Variants in HMCES observed in about 807,000 individuals in gnomAD.
HMCES encodes abasic site processing protein HMCES.
Under a neutral mutation model 35.1 loss-of-function variants are expected in HMCES, and 27 were observed. The observed-to-expected ratio is 0.77, with a 90% CI of 0.57 to 1.06. The LOEUF (loss-of-function observed/expected upper bound fraction) is 1.06, where lower values mean the gene tolerates loss of function less well. Ranked by LOEUF, HMCES falls within the 50% of genes least tolerant of loss-of-function variation. The pLI, the probability that HMCES is intolerant of heterozygous loss-of-function variation, is 0.00. For synonymous variants in HMCES, 130 were observed against 154.7 expected, an observed-to-expected ratio of 0.84 and a Z score of 1.18; for missense variants, 391 against 430.4, an observed-to-expected ratio of 0.91 and a Z score of 0.81.
At position 129,305,261 on chromosome 3, in the gene HMCES, T is replaced by A. The variant is rs1006937596; in HGVS notation, c.*436T>A. 1 of 155,294 alleles carries A rather than the reference T, an allele frequency of 6.4e-6. No individual in the cohort carries two copies. The highest frequency in any genetic ancestry group is 2.4e-5 in the African/African-American group (1 of 41,536). 9.6% of individuals were successfully genotyped at this position (155,294 alleles called of 1,614,324 possible). A position where few individuals can be genotyped will look rare whatever the true frequency, so the allele number is the denominator to read the frequency against. ...AAAATAAAAATAAGTTCTTAAAATT[T>A]ATTTTTTTCCTGAATAAATTGTATT... is the stretch of plus-strand genomic sequence containing the variant. On this transcript the variant is annotated 3_prime_UTR_variant, in exon 7 of 7. Transcript: ENST00000383463.
chr3:129,295,113 G>T (rs1047835801), intron 4 of HMCES, among the ~76,000 whole-genome samples: 8 of 149,212 alleles, frequency 5.4e-5, no homozygotes, highest in Non-Finnish European at 8.9e-5. Flanking sequence ...GAACCGAGAT[G>T]GCGCCACTGC....
At chr3:129,281,958 GT>G (rs1940505243) in intron 2 of HMCES, among the ~76,000 whole-genome samples, 1 of 148,286 alleles carries the variant, frequency 6.7e-6, no homozygotes. Flanking sequence ...ATCAAATAAT[GT>G]TCTTGGTTGA....
Position 129,279,820 on chromosome 3 carries a change from C to A in HMCES, c.88C>A (p.Pro30Thr). The A allele has an allele frequency of 1.2e-6, 2 of 1,613,666 alleles. No homozygotes were observed. Among genetic ancestry groups the A allele is most frequent in the Non-Finnish European group, 1.7e-6 (2 of 1,179,882 alleles). Residue 30 changes from proline (P) to threonine (T), a missense_variant, in exon 2 of 7, where the codon CCG becomes ACG. Coordinates refer to ENST00000383463, the MANE Select transcript of HMCES (RefSeq NM_020187.3). The surrounding 1 kb of genome is among the most constrained non-coding windows in gnomAD (Gnocchi z 4.2). ...YQDRRGQQRL[P>T]EWRDPDKYCP... The stretch of plus-strand genomic sequence containing the variant: ...GGATCGGCGGGGCCAGCAGCGGCTC[C>A]CGGAGTGGAGGGACCCTGATAAGTA...
At chr3:129,281,199 C>T (rs1383962809) in intron 2 of HMCES, among the ~76,000 whole-genome samples, 3 of 151,142 alleles carry the variant, frequency 2.0e-5, no homozygotes, top group African/African-American at 7.3e-5. Flanking sequence ...TCCAGCCTGG[C>T]GGCAGAGCGA....
Position 129,289,006 on chromosome 3 carries a change from C to A in HMCES, c.327+9C>A. 1.3e-6 allele frequency: 2 copies of A among 1,543,236 alleles called. No individual in the cohort carries two copies. Among genetic ancestry groups the A allele is most frequent in the South Asian group, 1.2e-5 (1 of 83,712 alleles). ...AGAAACGGTCATTTAAGGTAGGTGG[C>A]TGGTAGCTATTAGTGCCCCGTATAC... On this transcript the variant is annotated intron_variant, in intron 3 of 6. Coordinates refer to ENST00000383463, the MANE Select transcript of HMCES (RefSeq NM_020187.3).
rs953179533 is a variant in HMCES, at chr3:129,305,722, C to G, written c.*897C>G. Reference sequence around the variant, plus strand: ...CGAGCCCAGAACGCTCCTGGCGCAGCACCGTTGGCGTTGGCCGATTGCTGC... The same window carrying G: ...CGAGCCCAGAACGCTCCTGGCGCAGGACCGTTGGCGTTGGCCGATTGCTGC... On this transcript the variant is annotated 3_prime_UTR_variant, in exon 7 of 7. Transcript: ENST00000383463. The G allele has an allele frequency of 6.6e-6, 1 of 152,304 alleles. No homozygotes were observed. Among genetic ancestry groups the G allele is most frequent in the Non-Finnish European group, 1.5e-5 (1 of 68,130 alleles). The allele number at this position is 152,304 out of a possible 1,614,324, so 9.4% of individuals were successfully genotyped here.
At chr3:129,281,926 C>CAAAAAAAAAAAAAAAAAAAAAT (rs1940503132) in intron 2 of HMCES, among the ~76,000 whole-genome samples, 1 of 71,594 alleles carries the variant, frequency 1.4e-5, no homozygotes, top group African/African-American at 4.5e-5. Flanking sequence ...GACTCAGTCT[C>CAAAAAAAAAAAAAAAAAAAAAT]AAAAAAAAAA....
chr3:129,304,846 A>T lies in HMCES; in HGVS notation c.*21A>T. 2 of 1,569,652 alleles carry T rather than the reference A, an allele frequency of 1.3e-6. No individual in the cohort carries two copies. Among genetic ancestry groups the T allele is most frequent in the South Asian group, 1.1e-5 (1 of 90,062 alleles). ...AGTGACACAGGACTTTCAGAGACCA[A>T]GGCCAGGGTCTGCTGCACTGCTGTT... On this transcript the variant is annotated 3_prime_UTR_variant, in exon 7 of 7. Coordinates refer to ENST00000383463, the MANE Select transcript of HMCES (RefSeq NM_020187.3).
intron 2 of HMCES, among the ~76,000 whole-genome samples, chr3:129,285,850 C>G (rs541008917): frequency 6.6e-6 from 1 of 152,180 alleles, no homozygotes; most frequent in African/African-American, 2.4e-5. Context: ...ATGCCTCAGC[C>G]TCCCGAGTAA....
At chr3:129,287,509 A>G (rs1321254988) in intron 2 of HMCES, among the ~76,000 whole-genome samples, 1 of 152,130 alleles carries the variant, frequency 6.6e-6, no homozygotes, top group East Asian at 1.9e-4. Flanking sequence ...TTGGAGGCTG[A>G]TCATGTAGGC....
intron 4 of HMCES, among the ~76,000 whole-genome samples, chr3:129,295,989 C>T (rs1216496291): frequency 6.6e-6 from 1 of 152,088 alleles, no homozygotes; most frequent in African/African-American, 2.4e-5. Context: ...ATTGTACCAT[C>T]GTTCTTGGAT....
At chr3:129,290,571 A>C (rs1576984708) in intron 3 of HMCES, 108 bp from the exon 4 acceptor site, 1 of 1,219,056 alleles carries the variant, frequency 8.2e-7, no homozygotes, top group Non-Finnish European at 1.2e-6. Context: ...GCCGTGAGCC[A>C]CCCGCCTGGC....
chr3:129,280,259 T>C (rs1207341876), intron 2 of HMCES, among the ~76,000 whole-genome samples: 1 of 152,072 alleles, frequency 6.6e-6, no homozygotes, highest in African/African-American at 2.4e-5. Flanking sequence ...AATAAAAAAA[T>C]TTAAGGCCAG....
intron 2 of HMCES, among the ~76,000 whole-genome samples, chr3:129,288,442 C>G (rs1439351478): frequency 6.6e-6 from 1 of 152,052 alleles, no homozygotes; most frequent in Non-Finnish European, 1.5e-5. Context: ...CACCCACAAT[C>G]CCAACACTTT....
At chr3:129,304,352 CTT>C (rs1397944821) in intron 6 of HMCES, among the ~76,000 whole-genome samples, 2 of 152,228 alleles carry the variant, frequency 1.3e-5, no homozygotes, top group African/African-American at 4.8e-5. Context: ...TTTCAGCTCT[CTT>C]CTCTGGCTGG....
At position 129,302,113 on chromosome 3, in the gene HMCES, CT is replaced by C; in HGVS notation, c.800del (p.Leu267ArgfsTer68). ...NNSRNNTPEC[L>X]APVDLVVKKE... ...CTCGCGAAACAACACTCCTGAGTGT[CT>C]GGCTCCTGTCGACTTGGTGGTCAAA... On this transcript the variant is annotated frameshift_variant, in exon 6 of 7. Transcript: ENST00000383463. LOFTEE classifies it high-confidence loss of function. The C allele has an allele frequency of 1.2e-6, 2 of 1,613,544 alleles. No homozygotes were observed. The highest frequency in any genetic ancestry group is 1.7e-6 in the Non-Finnish European group (2 of 1,179,800).
intron 6 of HMCES, among the ~76,000 whole-genome samples, chr3:129,302,966 C>T (rs1206734497): frequency 6.6e-6 from 1 of 152,114 alleles, no homozygotes; most frequent in African/African-American, 2.4e-5. Flanking sequence ...ATTGTTTCTC[C>T]GTCCCCAACC....
At chr3:129,301,030 C>CAAAA (rs761152034) in intron 5 of HMCES, among the ~76,000 whole-genome samples, 12 of 119,648 alleles carry the variant, frequency 1.0e-4, no homozygotes, top group African/African-American at 3.3e-4. Context: ...GACTCCATCT[C>CAAAA]AAAAAAAAAA....
chr3:129,303,494 A>G (rs957007192), intron 6 of HMCES, among the ~76,000 whole-genome samples: 2 of 152,222 alleles, frequency 1.3e-5, no homozygotes, highest in African/African-American at 4.8e-5. Context: ...CCCTATCCAA[A>G]ATGCTTGGGA....
Sources: allele counts gnomAD v4.1 joint callset (sites outside exome capture counted in the v4.1 genomes callset), GRCh38; gene constraint gnomAD v4.1.1; non-coding constraint Gnocchi (gnomAD v3.1); transcripts MANE v1.5; gene names NCBI Gene and HGNC (gene_info 2026-07-23, HGNC 2026-07-21).